CDKL1: variants seen among roughly 807,000 people sequenced by gnomAD.
The protein encoded by CDKL1 is cyclin dependent kinase like 1, also known as cyclin-dependent kinase-like 1.
Under a neutral mutation model 42.0 loss-of-function variants are expected in CDKL1, and 41 were observed. The observed-to-expected ratio is 0.98, with a 90% CI of 0.76 to 1.27. CDKL1 has a LOEUF of 1.27. Ranked by LOEUF, CDKL1 falls within the 50% of genes most tolerant of loss-of-function variation. CDKL1 has a pLI of 0.00. For synonymous variants in CDKL1, 153 were observed against 158.6 expected, an observed-to-expected ratio of 0.96 and a Z score of 0.26; for missense variants, 394 against 428.4, an observed-to-expected ratio of 0.92 and a Z score of 0.71.
intron 3 of CDKL1, among the ~76,000 whole-genome samples, chr14:50,346,796 G>A (rs1159959593): frequency 2.0e-5 from 3 of 151,802 alleles, no homozygotes; most frequent in Non-Finnish European, 4.4e-5. Flanking sequence ...TTACAGGTGT[G>A]TGCCACCACA....
intron 2 of CDKL1, among the ~76,000 whole-genome samples, chr14:50,368,322 T>TG (rs2034488683): frequency 6.6e-6 from 1 of 151,904 alleles, no homozygotes; most frequent in Admixed American, 6.6e-5. Flanking sequence ...AGTGGCATGA[T>TG]CATGGCTCAC....
At chr14:50,376,566 G>A (rs190099040) in intron 2 of CDKL1, 108 of 200,302 alleles carry the variant, frequency 5.4e-4, no homozygotes, top group Admixed American at 1.0e-3. Flanking sequence ...TCTATTGGCT[G>A]ATGACCATGA....
In CDKL1 at chr14:50,396,100, C is replaced by G. The variant is rs943027356; in HGVS notation, c.-232G>C. On this transcript the variant is annotated 5_prime_UTR_variant, in exon 2 of 10. Coordinates refer to ENST00000395834, the MANE Select transcript of CDKL1 (RefSeq NM_004196.7). ...ACTCAGGAGACTGAGGCAGGAGAAT[C>G]GCGTGAACCTGGGAGGCGCAGGTTG... 30 of 1,067,948 alleles carry G rather than the reference C, an allele frequency of 2.8e-5. 1 individual carries two copies. Among genetic ancestry groups the G allele is most frequent in the East Asian group, 6.0e-5 (1 of 16,636 alleles). 66.2% of individuals were successfully genotyped at this position (1,067,948 alleles called of 1,614,324 possible).
Position 50,335,483 on chromosome 14 carries a change from G to T in CDKL1, c.739-862C>A, listed in dbSNP as rs1202745669. 16 of 1,536,028 alleles carry T rather than the reference G, an allele frequency of 1.0e-5. No individual in the cohort carries two copies. The East Asian group carries it at 3.9e-4, about 38-fold the overall frequency. On this transcript the variant is annotated intron_variant, in intron 7 of 9. Transcript: ENST00000395834. Reference sequence around the variant, plus strand: ...GCCTGCTGTTTAAACAGTCTCCTGTGGGGCATTCGTCAATCTCCTTTTGGC... The same window carrying T: ...GCCTGCTGTTTAAACAGTCTCCTGTTGGGCATTCGTCAATCTCCTTTTGGC...
At chr14:50,361,604 AC>A (rs140338316) in intron 2 of CDKL1, among the ~76,000 whole-genome samples, 2,317 of 152,226 alleles carry the variant, frequency 0.015, 67 homozygotes, top group African/African-American at 0.052. Context: ...GCAAGAGAGC[AC>A]CCCCCTCAAC....
rs961084175 is a variant in CDKL1, at chr14:50,331,884, G to A, written c.966+378C>T. On this transcript the variant is annotated intron_variant, in intron 9 of 9. Coordinates refer to ENST00000395834, the MANE Select transcript of CDKL1 (RefSeq NM_004196.7). Reference sequence around the variant, plus strand: ...AGCTCCTTTTTTGGACAAACCTGGAGTGTTAGTTTTAATACTAAAAGTGTA... The same window carrying A: ...AGCTCCTTTTTTGGACAAACCTGGAATGTTAGTTTTAATACTAAAAGTGTA... 7.7e-6 allele frequency: 6 copies of A among 778,586 alleles called. No individual in the cohort carries two copies. The East Asian group carries it at 1.1e-4, about 14-fold the overall frequency. The allele number at this position is 778,586 out of a possible 1,614,324, so 48.2% of individuals were successfully genotyped here.
At chr14:50,358,123 G>T in intron 3 of CDKL1, 1 of 1,352,126 alleles carries the variant, frequency 7.4e-7, no homozygotes, top group South Asian at 1.2e-5. Flanking sequence ...TTCTTCCAGT[G>T]CACACAAAGA....
At chr14:50,341,443 C>A in intron 5 of CDKL1, among the ~76,000 whole-genome samples, 1 of 89,844 alleles carries the variant, frequency 1.1e-5, no homozygotes, top group Non-Finnish European at 2.1e-5. Context: ...AAACAGAATC[C>A]CTGGGGAGGG....
At chr14:50,337,250 C>A (rs572241619) in intron 7 of CDKL1, among the ~76,000 whole-genome samples, 5 of 151,184 alleles carry the variant, frequency 3.3e-5, no homozygotes, top group Non-Finnish European at 7.4e-5. Context: ...CTCAAGCGAT[C>A]CACCTGCCTC....
chr14:50,332,312 T>C lies in CDKL1; in HGVS notation c.916A>G (p.Lys306Glu), dbSNP rs778050353. 1 of 1,614,178 alleles carries C rather than the reference T, an allele frequency of 6.2e-7. No homozygotes were observed. Among genetic ancestry groups the C allele is most frequent in the South Asian group, 1.1e-5 (1 of 91,084 alleles). Residue 306 changes from lysine to glutamate, a missense_variant, in exon 9 of 10, where the codon AAG becomes GAG. Transcript: ENST00000395834. ...LAKEHNKPTR[K>E]TLRKSRKHHC... is the part of the protein sequence containing the mutation. ...TGCTTTCGGCTCTTTCTTAGGGTCT[T>C]CCTTGTTGGTTTGTTGTGTTCTTTT... is the stretch of plus-strand genomic sequence containing the variant.
At chr14:50,344,955 G>T (rs192595063) in intron 4 of CDKL1, 31 bp downstream of exon 4, 3 of 1,577,136 alleles carry the variant, frequency 1.9e-6, no homozygotes, top group Non-Finnish European at 2.6e-6. Context: ...GGGGAGCCTT[G>T]TTGCTTTTCA....
rs567693114 is a variant in CDKL1, at chr14:50,344,033, G to A, written c.363+953C>T. Among the ~76,000 whole-genome samples, 4 of 152,322 alleles carry A rather than the reference G, an allele frequency of 2.6e-5. No individual in the cohort carries two copies. The East Asian group carries it at 7.7e-4, about 29-fold the overall frequency. ...GTTGAGTAAGATAAAACATTGCAGT[G>A]AAATTGCACTCATGGCCAAAACGAA... On this transcript the variant is annotated intron_variant, in intron 4 of 9. Transcript: ENST00000395834.
At chr14:50,361,701 G>A (rs1318917808) in intron 2 of CDKL1, among the ~76,000 whole-genome samples, 1 of 152,210 alleles carries the variant, frequency 6.6e-6, no homozygotes, top group Non-Finnish European at 1.5e-5. Flanking sequence ...TGCACTGGGG[G>A]TGAAGTTTCA....
chr14:50,396,508 A>G (rs995402205), intron 1 of CDKL1, among the ~76,000 whole-genome samples, 179 bp from the exon 2 acceptor site: 1 of 152,218 alleles, frequency 6.6e-6, no homozygotes, highest in Admixed American at 6.5e-5. Context: ...GCTGTAAGAT[A>G]AGCTATCTTT....
chr14:50,340,772 A>C (rs2033486349), intron 6 of CDKL1, among the ~76,000 whole-genome samples: 1 of 152,192 alleles, frequency 6.6e-6, no homozygotes, highest in Non-Finnish European at 1.5e-5. Context: ...TGTCATTATT[A>C]ATGTTTTAAC....
chr14:50,382,930 GTT>G (rs35801058), intron 2 of CDKL1, among the ~76,000 whole-genome samples: 115,285 of 140,844 alleles, frequency 0.82, 47,257 homozygotes, highest in African/African-American at 0.92. Flanking sequence ...ACAGTTTTTT[GTT>G]TTTTTTTTTT....
intron 2 of CDKL1, among the ~76,000 whole-genome samples, chr14:50,391,485 C>T (rs7154929): frequency 0.49 from 73,888 of 151,906 alleles, 18,155 homozygotes; most frequent in Middle Eastern, 0.61. Context: ...CGGGTTCAAG[C>T]GATTCTCCTG....
intron 7 of CDKL1, chr14:50,335,758 A>G: frequency 1.0e-6 from 1 of 985,368 alleles, no homozygotes; most frequent in Non-Finnish European, 1.2e-6. Flanking sequence ...GGCCAGGCTC[A>G]TCTAATCAAA....
chr14:50,328,421 G>A lies in CDKL1; in HGVS notation c.*1653C>T, dbSNP rs1317711270. Reference sequence around the variant, plus strand: ...AGTCAAAATTATTGAGTAGACACCAGACCTCAGTGGATTACTTAAGTAAAT... The same window carrying A: ...AGTCAAAATTATTGAGTAGACACCAAACCTCAGTGGATTACTTAAGTAAAT... On this transcript the variant is annotated 3_prime_UTR_variant, in exon 10 of 10. Transcript: ENST00000395834. 6.6e-6 allele frequency: 1 copy of A among 152,152 alleles called. No individual in the cohort carries two copies. The highest frequency in any genetic ancestry group is 1.5e-5 in the Non-Finnish European group (1 of 68,038). The allele number at this position is 152,152 out of a possible 1,614,324, so 9.4% of individuals were successfully genotyped here. A position where few individuals can be genotyped will look rare whatever the true frequency, so the allele number is the denominator to read the frequency against.
Sources: allele counts gnomAD v4.1 joint callset (sites outside exome capture counted in the v4.1 genomes callset), GRCh38; gene constraint gnomAD v4.1.1; transcripts MANE v1.5; gene names NCBI Gene and HGNC (gene_info 2026-07-23, HGNC 2026-07-21).